The following TCEA3 variants were observed in gnomAD, a reference collection of about 807,000 sequenced individuals.
TCEA3 encodes transcription elongation factor A3.
TCEA3 carries 36 observed loss-of-function variants against 44.0 expected under a neutral mutation model. That is an observed-to-expected ratio of 0.82 (90% CI 0.63 to 1.08). The LOEUF is 1.08. Ranked by LOEUF, TCEA3 falls within the 50% of genes least tolerant of loss-of-function variation. The pLI is 0.00. For missense variants in TCEA3, 392 were observed against 441.2 expected, an observed-to-expected ratio of 0.89 and a Z score of 1.00; for synonymous variants, 162 against 159.7, an observed-to-expected ratio of 1.01 and a Z score of -0.11.
At chr1:23,409,413 T>C (rs558769204) in intron 4 of TCEA3, among the ~76,000 whole-genome samples, 1 of 152,354 alleles carries the variant, frequency 6.6e-6, no homozygotes, top group African/African-American at 2.4e-5. Flanking sequence ...TTTTATGATA[T>C]ATAATATAGT....
At chr1:23,395,534 G>A (rs1369438606) in intron 7 of TCEA3, among the ~76,000 whole-genome samples, 1 of 152,222 alleles carries the variant, frequency 6.6e-6, no homozygotes, top group African/African-American at 2.4e-5. Flanking sequence ...CTTTAGAAGA[G>A]GGACATTCAG....
chr1:23,381,596 C>A (rs1241384296), intron 10 of TCEA3, 122 bp from the exon 11 acceptor site: 5 of 724,884 alleles, frequency 6.9e-6, no homozygotes, highest in Non-Finnish European at 1.3e-5. Flanking sequence ...CAAAGCCCAG[C>A]TCTGCCATTA....
rs763818279 is a variant in TCEA3, at chr1:23,394,033, T to A, written c.665A>T (p.His222Leu). 1 of 1,613,972 alleles carries A rather than the reference T, an allele frequency of 6.2e-7. No individual in the cohort carries two copies. Among genetic ancestry groups the A allele is most frequent in the Non-Finnish European group, 8.5e-7 (1 of 1,179,870 alleles). ...CGTGCTCTTGAGCTCTTGGTAGATA[T>A]GTGACACAGTCAAGGGCCGGCCAGC... is the stretch of plus-strand genomic sequence containing the variant. Reference protein sequence around the residue: ...CDKMASEIEDHIYQELKSTDM... With the variant: ...CDKMASEIEDLIYQELKSTDM... Residue 222 changes from histidine (H) to leucine (L), a missense_variant and splice_region_variant, in exon 8 of 11, where the codon CAT (histidine) becomes CTT (leucine). His to Leu is a moderately conservative substitution (Grantham distance 99). Coordinates refer to ENST00000450454, the MANE Select transcript of TCEA3 (RefSeq NM_003196.3).
At chr1:23,395,653 C>T (rs1441431877) in intron 7 of TCEA3, among the ~76,000 whole-genome samples, 2 of 151,974 alleles carry the variant, frequency 1.3e-5, no homozygotes, top group Non-Finnish European at 2.9e-5. Flanking sequence ...TGGTGAAACC[C>T]CATGTCTACA....
chr1:23,381,704 C>T (rs369308518), intron 10 of TCEA3, among the ~76,000 whole-genome samples: 8 of 152,192 alleles, frequency 5.3e-5, no homozygotes, highest in Non-Finnish European at 7.3e-5. Context: ...AATGGCAATT[C>T]GGTGCCAGGA....
intron 7 of TCEA3, among the ~76,000 whole-genome samples, chr1:23,395,481 A>G (rs1767138): frequency 0.14 from 20,781 of 152,266 alleles, 3,103 homozygotes; most frequent in African/African-American, 0.35. Context: ...AGCTGGCTAA[A>G]AACAAAGAGC....
chr1:23,389,358 G>A (rs113534295), intron 8 of TCEA3, among the ~76,000 whole-genome samples: 3,171 of 152,040 alleles, frequency 0.021, 113 homozygotes, highest in African/African-American at 0.071. Flanking sequence ...GTGTGGTGGC[G>A]GGCACCTGTA....
At chr1:23,422,793 G>A (rs1640103198) in intron 1 of TCEA3, among the ~76,000 whole-genome samples, 1 of 152,170 alleles carries the variant, frequency 6.6e-6, no homozygotes, top group Admixed American at 6.5e-5. Context: ...TCACAGAAGA[G>A]GAAACTCGAG....
intron 2 of TCEA3, 44 bp from the exon 3 acceptor site, chr1:23,418,053 C>G: frequency 6.3e-7 from 1 of 1,585,964 alleles, no homozygotes; most frequent in East Asian, 2.2e-5. Flanking sequence ...AATGGATACA[C>G]AGGAATGGCT....
chr1:23,388,800 C>T (rs897745703), intron 8 of TCEA3, among the ~76,000 whole-genome samples: 1 of 152,178 alleles, frequency 6.6e-6, no homozygotes, highest in Non-Finnish European at 1.5e-5. Context: ...CCCACCTCAG[C>T]CTCCCAAGTA....
chr1:23,421,006 C>T (rs958687011), intron 1 of TCEA3, among the ~76,000 whole-genome samples: 9 of 152,166 alleles, frequency 5.9e-5, no homozygotes, highest in African/African-American at 2.2e-4. Flanking sequence ...CCTGGCAGGA[C>T]CTGGACCATG....
Position 23,417,832 on chromosome 1 carries a change from A to G in TCEA3, c.238+72T>C, listed in dbSNP as rs1422191289. On this transcript the variant is annotated intron_variant, in intron 3 of 10. Coordinates refer to ENST00000450454, the MANE Select transcript of TCEA3 (RefSeq NM_003196.3). Reference sequence around the variant, plus strand: ...AACAGACATACACTGAGTGCTGGCTATGAGCCAGGCCCAGTCCTGTCCCAA... The same window carrying G: ...AACAGACATACACTGAGTGCTGGCTGTGAGCCAGGCCCAGTCCTGTCCCAA... 11 of 1,403,004 alleles carry G rather than the reference A, an allele frequency of 7.8e-6. No homozygotes were observed. The Admixed American group carries it at 1.9e-4, about 25-fold the overall frequency. The allele number at this position is 1,403,004 out of a possible 1,614,324, so 86.9% of individuals were successfully genotyped here.
At chr1:23,386,412 A>G (rs1368059232) in intron 9 of TCEA3, among the ~76,000 whole-genome samples, 1 of 151,154 alleles carries the variant, frequency 6.6e-6, no homozygotes, top group Non-Finnish European at 1.5e-5. Flanking sequence ...TAATTTTTGT[A>G]TTTTTAGCAG....
chr1:23,399,176 A>ATATATATATATATC (rs1392964847), intron 5 of TCEA3, among the ~76,000 whole-genome samples: 2 of 141,920 alleles, frequency 1.4e-5, no homozygotes, highest in African/African-American at 2.6e-5. Flanking sequence ...ATATATATAT[A>ATATATATATATATC]TATCCATATG....
intron 10 of TCEA3, among the ~76,000 whole-genome samples, chr1:23,383,153 G>A (rs954546687): frequency 4.6e-5 from 7 of 151,964 alleles, no homozygotes; most frequent in African/African-American, 7.3e-5. Flanking sequence ...GGTGGCCGGC[G>A]CCTTTAGTCC....
chr1:23,409,336 C>T (rs1639645799), intron 4 of TCEA3, among the ~76,000 whole-genome samples: 1 of 152,138 alleles, frequency 6.6e-6, no homozygotes, highest in South Asian at 2.1e-4. Context: ...ACCACTGTTA[C>T]AGCTAGGGTG....
intron 4 of TCEA3, among the ~76,000 whole-genome samples, chr1:23,413,665 C>T (rs1331936746): frequency 6.6e-6 from 1 of 152,166 alleles, no homozygotes; most frequent in Non-Finnish European, 1.5e-5. Flanking sequence ...AACTCCTGAC[C>T]TCAAGTGATC....
chr1:23,423,555 T>C (rs1640125748), intron 1 of TCEA3, among the ~76,000 whole-genome samples: 1 of 152,196 alleles, frequency 6.6e-6, no homozygotes, highest in South Asian at 2.1e-4. Context: ...TGTCTCTTCC[T>C]TTCCCAGGCT....
chr1:23,406,811 G>A (rs76549039), intron 5 of TCEA3, among the ~76,000 whole-genome samples: 6,085 of 152,144 alleles, frequency 0.04, 334 homozygotes, highest in South Asian at 0.24. Context: ...TAGTGCAGAC[G>A]GGGTTTTGCC....
Sources: allele counts gnomAD v4.1 joint callset (sites outside exome capture counted in the v4.1 genomes callset), GRCh38; gene constraint gnomAD v4.1.1; transcripts MANE v1.5; gene names NCBI Gene and HGNC (gene_info 2026-07-23, HGNC 2026-07-21).